The following VTI1B variants were observed in gnomAD, a reference collection of about 807,000 sequenced individuals.
VTI1B encodes the protein vesicle transport through interaction with t-SNAREs 1B, also known as vesicle transport through interaction with t-SNAREs homolog 1B.
A neutral mutation model predicts 28.6 loss-of-function variants in VTI1B; 18 were observed. The ratio of observed to expected loss-of-function variants is 0.63; its 90% CI spans 0.43 to 0.93. The LOEUF is 0.93. Among genes scored for constraint, VTI1B ranks in the 40% least tolerant of loss-of-function variants. The pLI, the probability that VTI1B is intolerant of heterozygous loss-of-function variation, is 0.00. For missense variants in VTI1B, 283 were observed against 297.0 expected, an observed-to-expected ratio of 0.95 and a Z score of 0.35; for synonymous variants, 100 against 107.9, an observed-to-expected ratio of 0.93 and a Z score of 0.46.
chr14:67,657,437 T>C (rs1428289915), intron 3 of VTI1B, among the ~76,000 whole-genome samples: 1 of 152,180 alleles, frequency 6.6e-6, no homozygotes, highest in African/African-American at 2.4e-5. Context: ...ATTTCTCAAC[T>C]GCCCTAATTT....
At chr14:67,654,203 C>T (rs2037224752) in intron 4 of VTI1B, among the ~76,000 whole-genome samples, 1 of 152,196 alleles carries the variant, frequency 6.6e-6, no homozygotes, top group African/African-American at 2.4e-5. Flanking sequence ...ACCTCCCAGG[C>T]TCAAGCAATA....
chr14:67,650,827 T>G lies in VTI1B; in HGVS notation c.*558A>C, dbSNP rs1451095174. Reference sequence around the variant, plus strand: ...TAGATGTGATTGCTTCAAGCTTTGGTCAGACAAGAGAAGGAGGGCATATTG... The same window carrying G: ...TAGATGTGATTGCTTCAAGCTTTGGGCAGACAAGAGAAGGAGGGCATATTG... On this transcript the variant is annotated 3_prime_UTR_variant, in exon 6 of 6. Coordinates refer to ENST00000554659, the MANE Select transcript of VTI1B (RefSeq NM_006370.3). 6.2e-7 allele frequency: 1 copy of G among 1,614,052 alleles called. No homozygotes were observed. Among genetic ancestry groups the G allele is most frequent in the Admixed American group, 1.7e-5 (1 of 59,988 alleles).
At chr14:67,657,462 G>A (rs75109862) in intron 3 of VTI1B, among the ~76,000 whole-genome samples, 5,408 of 152,184 alleles carry the variant, frequency 0.036, 281 homozygotes, top group African/African-American at 0.12. Context: ...AATCCCCACC[G>A]AAGTTTTACT....
chr14:67,660,021 A>T, intron 2 of VTI1B, 99 bp from the exon 3 acceptor site: 1 of 1,201,846 alleles, frequency 8.3e-7, no homozygotes, highest in Non-Finnish European at 1.2e-6. Flanking sequence ...ATTTATTTGG[A>T]CTACACCAAG....
At position 67,650,599 on chromosome 14, in the gene VTI1B, A is replaced by G. The variant is rs2037160372; in HGVS notation, c.*786T>C. On this transcript the variant is annotated 3_prime_UTR_variant, in exon 6 of 6. Coordinates refer to ENST00000554659, the MANE Select transcript of VTI1B (RefSeq NM_006370.3). Reference sequence around the variant, plus strand: ...GGCTTCCTAAAAATAGGTATTTTCTACTATAAAATGGACTCTTGTTTTTAC... The same window carrying G: ...GGCTTCCTAAAAATAGGTATTTTCTGCTATAAAATGGACTCTTGTTTTTAC... The G allele has an allele frequency of 6.8e-6, 6 of 882,196 alleles. No homozygotes were observed. The South Asian group carries it at 7.6e-5, about 11-fold the overall frequency. The allele number at this position is 882,196 out of a possible 1,614,324, so 54.6% of individuals were successfully genotyped here.
chr14:67,659,164 C>T (rs2037304287), intron 3 of VTI1B, among the ~76,000 whole-genome samples: 1 of 152,198 alleles, frequency 6.6e-6, no homozygotes, highest in Non-Finnish European at 1.5e-5. Flanking sequence ...GGGAGTCTTG[C>T]TCACTTTCTA....
chr14:67,664,227 CACTA>C (rs1388203054), intron 1 of VTI1B, among the ~76,000 whole-genome samples: 1 of 152,166 alleles, frequency 6.6e-6, no homozygotes, highest in Non-Finnish European at 1.5e-5. Context: ...GAGCCATCAC[CACTA>C]ACTGTTCTCC....
rs1362878782 is a variant in VTI1B at position 67,649,127 on chromosome 14, C to T, written c.*2258G>A. The T allele has an allele frequency of 6.6e-6, 1 of 152,172 alleles. No individual in the cohort carries two copies. Among genetic ancestry groups the T allele is most frequent in the Non-Finnish European group, 1.5e-5 (1 of 68,044 alleles). 9.4% of individuals were successfully genotyped at this position (152,172 alleles called of 1,614,324 possible). A position where few individuals can be genotyped will look rare whatever the true frequency, so the allele number is the denominator to read the frequency against. ...CTTGGGGGTTCAATTCTCTGCTTTG[C>T]TTCCTAAAAACACCACTTAGAGCAG... On this transcript the variant is annotated 3_prime_UTR_variant, in exon 6 of 6. Coordinates refer to ENST00000554659, the MANE Select transcript of VTI1B (RefSeq NM_006370.3).
intron 1 of VTI1B, among the ~76,000 whole-genome samples, chr14:67,668,948 C>T (rs934046634): frequency 2.0e-5 from 3 of 151,492 alleles, no homozygotes; most frequent in Admixed American, 6.6e-5. Flanking sequence ...AAAATAAGTA[C>T]TCTGGAAAAA....
At position 67,648,230 on chromosome 14, in the gene VTI1B, T is replaced by C. The variant is rs1388035244; in HGVS notation, c.*3155A>G. 4 of 1,566,594 alleles carry C rather than the reference T, an allele frequency of 2.6e-6. No homozygotes were observed. Among genetic ancestry groups the C allele is most frequent in the African/African-American group, 1.4e-5 (1 of 73,540 alleles). ...AGCCTGTTAACTACATAGGTAAATA[T>C]GCTAGAGTCTCTTGCCTGCAAAGGA... On this transcript the variant is annotated 3_prime_UTR_variant, in exon 6 of 6. Coordinates refer to ENST00000554659, the MANE Select transcript of VTI1B (RefSeq NM_006370.3).
At chr14:67,668,226 T>C (rs549905024) in intron 1 of VTI1B, among the ~76,000 whole-genome samples, 81 of 152,270 alleles carry the variant, frequency 5.3e-4, no homozygotes, top group Non-Finnish European at 1.9e-4. Context: ...GCATTTAACA[T>C]TGATTAGATT....
At chr14:67,651,756 G>T (rs953135183) in intron 5 of VTI1B, 15 of 273,906 alleles carry the variant, frequency 5.5e-5, no homozygotes, top group Non-Finnish European at 4.2e-5. Flanking sequence ...TTTAAAAATA[G>T]CTTTTCTAGA....
chr14:67,651,623 T>A (rs2037178576), intron 5 of VTI1B, 142 bp from the exon 6 acceptor site: 3 of 856,530 alleles, frequency 3.5e-6, no homozygotes, highest in Non-Finnish European at 5.2e-6. Flanking sequence ...GAAGTACTCA[T>A]AAGGTTCTTT....
intron 1 of VTI1B, among the ~76,000 whole-genome samples, chr14:67,668,554 T>A (rs1468162834): frequency 6.6e-6 from 1 of 152,230 alleles, no homozygotes; most frequent in Admixed American, 6.5e-5. Context: ...ATCACAATCA[T>A]ATATCAATAT....
Position 67,648,571 on chromosome 14 carries a change from T to C in VTI1B, c.*2814A>G, listed in dbSNP as rs979049810. Reference sequence around the variant, plus strand: ...ATTGGTTCATTGGGAGTTGTGAATTTGGAGCTAAAGCTGATCTCTTGAAGA... The same window carrying C: ...ATTGGTTCATTGGGAGTTGTGAATTCGGAGCTAAAGCTGATCTCTTGAAGA... On this transcript the variant is annotated 3_prime_UTR_variant, in exon 6 of 6. Transcript: ENST00000554659. 6.3e-6 allele frequency: 1 copy of C among 158,858 alleles called. No individual in the cohort carries two copies. The highest frequency in any genetic ancestry group is 2.4e-5 in the African/African-American group (1 of 41,634). The allele number at this position is 158,858 out of a possible 1,614,324, so 9.8% of individuals were successfully genotyped here.
chr14:67,670,696 T>C (rs1249503636), intron 1 of VTI1B, among the ~76,000 whole-genome samples: 1 of 152,100 alleles, frequency 6.6e-6, no homozygotes, highest in Non-Finnish European at 1.5e-5. Flanking sequence ...ACCCAGCTAA[T>C]TTTTGTATTT....
rs1297816084 is a variant in VTI1B, at chr14:67,651,166, C to A, written c.*219G>T. ...TATGTAAATTTAAAGAAGTCATAAA[C>A]AGCATTTATTACCTTGGTATATCAT... On this transcript the variant is annotated 3_prime_UTR_variant, in exon 6 of 6. Transcript: ENST00000554659. 2.0e-6 allele frequency: 2 copies of A among 998,138 alleles called. No homozygotes were observed. The highest frequency in any genetic ancestry group is 5.7e-5 in the Admixed American group (2 of 35,220). The allele number at this position is 998,138 out of a possible 1,614,324, so 61.8% of individuals were successfully genotyped here.
At chr14:67,670,048 T>C (rs2037447500) in intron 1 of VTI1B, among the ~76,000 whole-genome samples, 1 of 152,196 alleles carries the variant, frequency 6.6e-6, no homozygotes. Context: ...TGAGCAGTGA[T>C]GGTGCCACTG....
intron 1 of VTI1B, among the ~76,000 whole-genome samples, 187 bp downstream of exon 1, chr14:67,674,188 C>T (rs900567003): frequency 6.6e-5 from 10 of 152,230 alleles, no homozygotes; most frequent in East Asian, 1.9e-4. Context: ...GGAACTGAAT[C>T]CCGAGGTCCA....
Sources: gnomAD v4.1 joint callset for allele counts (sites outside exome capture counted in the v4.1 genomes callset) on GRCh38, gnomAD v4.1.1 for gene constraint, MANE v1.5 for transcripts, NCBI Gene and HGNC (gene_info 2026-07-23, HGNC 2026-07-21) for gene names.